TMED5: variants seen among roughly 807,000 people sequenced by gnomAD.
The protein encoded by TMED5 is transmembrane p24 trafficking protein 5.
A neutral mutation model predicts 23.0 loss-of-function variants in TMED5; 27 were observed. The observed-to-expected ratio is 1.17, with a 90% CI of 0.86 to 1.62. The LOEUF is 1.62. Ranked by LOEUF, TMED5 falls within the 40% of genes most tolerant of loss-of-function variation. The pLI, the probability that TMED5 is intolerant of heterozygous loss-of-function variation, is 0.00. For missense variants in TMED5, 248 were observed against 273.7 expected, an observed-to-expected ratio of 0.91 and a Z score of 0.66; for synonymous variants, 97 against 100.8, an observed-to-expected ratio of 0.96 and a Z score of 0.23.
chr1:93,175,316 T>TATAC (rs1553160172), intron 1 of TMED5, among the ~76,000 whole-genome samples: 332 of 129,046 alleles, frequency 2.6e-3, no homozygotes, highest in East Asian at 8.2e-3. Context: ...TATATATATA[T>TATAC]ACACACACAC....
intron 1 of TMED5, among the ~76,000 whole-genome samples, chr1:93,166,515 T>A (rs1481221896): frequency 6.6e-6 from 1 of 152,230 alleles, no homozygotes; most frequent in African/African-American, 2.4e-5. Context: ...TGATGATCAA[T>A]GATGTTGAGC....
At chr1:93,177,163 A>G (rs780392086) in intron 1 of TMED5, among the ~76,000 whole-genome samples, 3 of 152,238 alleles carry the variant, frequency 2.0e-5, no homozygotes, top group Non-Finnish European at 4.4e-5. Context: ...AAGTTGGGAA[A>G]TACAAACAGG....
At chr1:93,169,959 T>G (rs1469205762) in intron 1 of TMED5, among the ~76,000 whole-genome samples, 1 of 150,448 alleles carries the variant, frequency 6.6e-6, no homozygotes, top group Non-Finnish European at 1.5e-5. Context: ...CCCTAGCTAC[T>G]TGGGAGGCTG....
rs1283378139 is a variant in TMED5, at chr1:93,179,420, G to GA, written c.189+633dup. On this transcript the variant is annotated intron_variant, in intron 1 of 3. Coordinates refer to ENST00000370282, the MANE Select transcript of TMED5 (RefSeq NM_016040.5). ...GAGGGAAATGCTTACAATGCTCAAT[G>GA]AAAAAATGAAAAGAAAGGTTATAAA... Among the ~76,000 whole-genome samples, 10 of 149,640 alleles carry GA rather than the reference G, an allele frequency of 6.7e-5. No homozygotes were observed. The South Asian group carries it at 2.1e-3, about 32-fold the overall frequency.
rs1297243042 is a variant in TMED5, at chr1:93,152,091, TAAG to T, written c.*2576_*2578del. The T allele has an allele frequency of 6.6e-6, 1 of 152,566 alleles. No individual in the cohort carries two copies. Among genetic ancestry groups the T allele is most frequent in the Non-Finnish European group, 1.5e-5 (1 of 68,008 alleles). 9.5% of individuals were successfully genotyped at this position (152,566 alleles called of 1,614,324 possible). On this transcript the variant is annotated 3_prime_UTR_variant, in exon 4 of 4. Coordinates refer to ENST00000370282, the MANE Select transcript of TMED5 (RefSeq NM_016040.5). The stretch of plus-strand genomic sequence containing the variant: ...GTCAATTTTAAGACACCATTATGTG[TAAG>T]AAGGATTAATTTTACCATAAAATTA...
intron 1 of TMED5, among the ~76,000 whole-genome samples, chr1:93,164,507 C>A (rs537666431): frequency 1.3e-5 from 2 of 152,156 alleles, no homozygotes; most frequent in South Asian, 2.1e-4. Context: ...AAAGCTTGTC[C>A]GTCTTGGCCT....
In TMED5 at chr1:93,152,783, T is replaced by C. The variant is rs555154681; in HGVS notation, c.*1887A>G. 1 of 152,660 alleles carries C rather than the reference T, an allele frequency of 6.6e-6. No homozygotes were observed. The highest frequency in any genetic ancestry group is 2.4e-5 in the African/African-American group (1 of 41,544). 9.5% of individuals were successfully genotyped at this position (152,660 alleles called of 1,614,324 possible). The stretch of plus-strand genomic sequence containing the variant: ...TATGGTACTGTAAATTTGCTTCTCA[T>C]TGCAAATTTAACAGCGCAAAAGGGA... On this transcript the variant is annotated 3_prime_UTR_variant, in exon 4 of 4. Transcript: ENST00000370282.
intron 2 of TMED5, 21 bp from the exon 3 acceptor site, chr1:93,156,504 GT>G (rs745993487): frequency 1.3e-6 from 2 of 1,587,716 alleles, no homozygotes; most frequent in East Asian, 4.5e-5. Context: ...AAAAGTACAT[GT>G]TTTAAGTTAC....
chr1:93,154,606 A>T lies in TMED5; in HGVS notation c.*64T>A, dbSNP rs867316009. The stretch of plus-strand genomic sequence containing the variant: ...TTGGAGAAGACCATTAATGGTCTTG[A>T]CTGTAACAGTTTATTGCATTTTTAT... On this transcript the variant is annotated 3_prime_UTR_variant, in exon 4 of 4. Coordinates refer to ENST00000370282, the MANE Select transcript of TMED5 (RefSeq NM_016040.5). 51 of 1,140,830 alleles carry T rather than the reference A, an allele frequency of 4.5e-5. 1 individual carries two copies. The South Asian group carries it at 5.5e-4, about 12-fold the overall frequency. 70.7% of individuals were successfully genotyped at this position (1,140,830 alleles called of 1,614,324 possible). A position where few individuals can be genotyped will look rare whatever the true frequency, so the allele number is the denominator to read the frequency against.
chr1:93,179,692 G>C (rs1207701079), intron 1 of TMED5, among the ~76,000 whole-genome samples: 3 of 152,270 alleles, frequency 2.0e-5, no homozygotes, highest in Non-Finnish European at 4.4e-5. Context: ...AGGAGAACGT[G>C]TATCAGTTCT....
chr1:93,174,130 GTTT>G (rs1197985406), intron 1 of TMED5, among the ~76,000 whole-genome samples: 1 of 151,850 alleles, frequency 6.6e-6, no homozygotes, highest in Non-Finnish European at 1.5e-5. Flanking sequence ...GCTAATTTTT[GTTT>G]TTTGTTTTTT....
Position 93,153,577 on chromosome 1 carries a change from TGAGC to T in TMED5, c.*1089_*1092del, listed in dbSNP as rs1213944857. ...TTATGTTATGAGTAGGATGTCATGA[TGAGC>T]CAGTCAGATTCTAGATATTTATTTA... On this transcript the variant is annotated 3_prime_UTR_variant, in exon 4 of 4. Coordinates refer to ENST00000370282, the MANE Select transcript of TMED5 (RefSeq NM_016040.5). 1.3e-5 allele frequency: 2 copies of T among 152,188 alleles called. No individual in the cohort carries two copies. The highest frequency in any genetic ancestry group is 2.9e-5 in the Non-Finnish European group (2 of 67,996). 9.4% of individuals were successfully genotyped at this position (152,188 alleles called of 1,614,324 possible).
chr1:93,175,036 T>TAA (rs766718049), intron 1 of TMED5, among the ~76,000 whole-genome samples: 2 of 128,570 alleles, frequency 1.6e-5, no homozygotes, highest in Admixed American at 8.0e-5. Context: ...CCCTATCTCT[T>TAA]AAAAAAAAAA....
chr1:93,162,516 GA>G (rs1648319575), intron 1 of TMED5: 1 of 152,352 alleles, frequency 6.6e-6, no homozygotes, highest in African/African-American at 2.4e-5. Context: ...AGAACTGCTT[GA>G]ACCCAGGAGG....
In TMED5 at chr1:93,152,640, G is replaced by T. The variant is rs1201971612; in HGVS notation, c.*2030C>A. 2 of 152,656 alleles carry T rather than the reference G, an allele frequency of 1.3e-5. No homozygotes were observed. Among genetic ancestry groups the T allele is most frequent in the Non-Finnish European group, 2.9e-5 (2 of 68,022 alleles). The allele number at this position is 152,656 out of a possible 1,614,324, so 9.5% of individuals were successfully genotyped here. On this transcript the variant is annotated 3_prime_UTR_variant, in exon 4 of 4. Transcript: ENST00000370282. ...TAGAAGATTATGTAACAAATTCATT[G>T]TTAGGTAAGGAGTCAGAGAGTACAG...
intron 1 of TMED5, chr1:93,161,329 G>GC (rs1648265514): frequency 6.6e-6 from 1 of 152,058 alleles, no homozygotes; most frequent in African/African-American, 2.4e-5. Flanking sequence ...ATAAACCAAA[G>GC]TGATACAGCA....
At position 93,154,776 on chromosome 1, in the gene TMED5, ACT is replaced by A. The variant is rs1647998944; in HGVS notation, c.582_583del (p.Arg194SerfsTer8). ...TAAATTAACCATAGACCAGAAATTG[ACT>A]CTATCAAAGTTGCTTTCTTGTATGT... On this transcript the variant is annotated frameshift_variant, in exon 4 of 4. Transcript: ENST00000370282. LOFTEE classifies it high-confidence loss of function. The A allele has an allele frequency of 5.0e-6, 8 of 1,613,906 alleles. No individual in the cohort carries two copies. The highest frequency in any genetic ancestry group is 6.8e-6 in the Non-Finnish European group (8 of 1,179,940).
chr1:93,175,175 T>TTACATATATA (rs1648864833), intron 1 of TMED5, among the ~76,000 whole-genome samples: 6 of 119,840 alleles, frequency 5.0e-5, no homozygotes, highest in South Asian at 2.5e-4. Context: ...TAAAAGCCAT[T>TTACATATATA]TATATATATA....
chr1:93,172,272 A>C (rs1648754668), intron 1 of TMED5, among the ~76,000 whole-genome samples: 1 of 152,100 alleles, frequency 6.6e-6, no homozygotes, highest in African/African-American at 2.4e-5. Context: ...AAGAAATAAA[A>C]CTGTCCTTGT....
Sources: gnomAD v4.1 joint callset for allele counts (sites outside exome capture counted in the v4.1 genomes callset) on GRCh38, gnomAD v4.1.1 for gene constraint, MANE v1.5 for transcripts, NCBI Gene and HGNC (gene_info 2026-07-23, HGNC 2026-07-21) for gene names.